NPHP1: variants seen among roughly 807,000 people sequenced by gnomAD.
NPHP1 encodes the protein nephrocystin 1.
A neutral mutation model predicts 90.4 loss-of-function variants in NPHP1; 70 were observed. That is an observed-to-expected ratio of 0.77 (90% CI 0.64 to 0.95). The LOEUF (loss-of-function observed/expected upper bound fraction) is 0.95, where lower values mean the gene tolerates loss of function less well. Ranked by LOEUF, NPHP1 falls within the 40% of genes least tolerant of loss-of-function variation. The probability of loss-of-function intolerance (pLI) is 0.00; values close to 1 mark genes in which losing one functional copy is unlikely to be tolerated. For synonymous variants in NPHP1, 256 were observed against 271.7 expected (o/e 0.94, Z 0.57); for missense variants, 764 against 795.9 (o/e 0.96, Z 0.48).
chr2:110,129,080 C>T (rs905941036), intron 18 of NPHP1, 106 bp downstream of exon 18: 11 of 760,938 alleles, frequency 1.4e-5, no homozygotes, highest in Admixed American at 4.1e-5. Flanking sequence ...GATTGGGAGA[C>T]ATCATCCTAG....
chr2:110,184,936 C>T lies in NPHP1; in HGVS notation c.144-5252G>A, dbSNP rs1239579584. The T allele has an allele frequency of 5.9e-6, 4 of 677,164 alleles. No homozygotes were observed. The African/African-American group carries it at 7.0e-5, about 12-fold the overall frequency. 41.9% of individuals were successfully genotyped at this position (677,164 alleles called of 1,614,324 possible). A position where few individuals can be genotyped will look rare whatever the true frequency, so the allele number is the denominator to read the frequency against. On this transcript the variant is annotated intron_variant, in intron 2 of 19. Coordinates refer to ENST00000445609, the MANE Select transcript of NPHP1 (RefSeq NM_001128178.3). ...TGGTGTTCGCCATCCAGAAGTCAGA[C>T]ATGGACCTGCAGTTCACACTTTTCT...
At chr2:110,146,878 G>T in intron 13 of NPHP1, 43 bp from the exon 14 acceptor site, 1 of 1,407,414 alleles carries the variant, frequency 7.1e-7, no homozygotes, top group Non-Finnish European at 1.0e-6. Flanking sequence ...GTCTGAACTA[G>T]TCAAATTTAT....
At position 110,144,484 on chromosome 2, in the gene NPHP1, G is replaced by A. The variant is rs1163657756; in HGVS notation, c.1429+9C>T. Reference sequence around the variant, plus strand: ...TTAAGGAAAGGAAGACAACACATGAGAGCCATACCTCTTCTGGATATTGAA... The same window carrying A: ...TTAAGGAAAGGAAGACAACACATGAAAGCCATACCTCTTCTGGATATTGAA... On this transcript the variant is annotated intron_variant, in intron 15 of 19. Transcript: ENST00000445609. 1.3e-6 allele frequency: 2 copies of A among 1,566,390 alleles called. No individual in the cohort carries two copies. The highest frequency in any genetic ancestry group is 1.7e-5 in the Admixed American group (1 of 59,940).
At chr2:110,182,494 C>G (rs1294975028) in intron 2 of NPHP1, among the ~76,000 whole-genome samples, 1 of 152,116 alleles carries the variant, frequency 6.6e-6, no homozygotes, top group Non-Finnish European at 1.5e-5. Context: ...ATTCATCATT[C>G]TTAAAGAAAA....
Position 110,160,131 on chromosome 2 carries a change from T to C in NPHP1, c.1079A>G (p.Asn360Ser). The change falls in exon 11 of 20, where the codon AAT becomes AGT. Residue 360 changes from asparagine (N) to serine (S), a missense_variant. Transcript: ENST00000445609. ...RHVRLCLFDG[N>S]KVLSNIHTVR... is the part of the protein sequence containing the mutation. ...TTTACTTCTCAGTAACCTTACCTTATTACCATCAAATAGACAGAGGCGTAC... is the reference window on the plus strand; with the variant it reads ...TTTACTTCTCAGTAACCTTACCTTACTACCATCAAATAGACAGAGGCGTAC... The C allele has an allele frequency of 6.2e-7, 1 of 1,613,034 alleles. No homozygotes were observed. Among genetic ancestry groups the C allele is most frequent in the Non-Finnish European group, 8.5e-7 (1 of 1,179,188 alleles).
chr2:110,148,017 T>G lies in NPHP1; in HGVS notation c.1168A>C (p.Ile390Leu). 3 of 1,592,546 alleles carry G rather than the reference T, an allele frequency of 1.9e-6. No individual in the cohort carries two copies. In the South Asian group the frequency reaches 3.3e-5, roughly 18 times the overall value. ...TWTFSPQVTR[I>L]LPCLLDGDCF... Reference sequence around the variant, plus strand: ...TCACCATCAAGCAAACATGGTAAGATGCGAGTAACCTGAAATGATAAAGAA... The same window carrying G: ...TCACCATCAAGCAAACATGGTAAGAGGCGAGTAACCTGAAATGATAAAGAA... Residue 390 changes from isoleucine (I) to leucine (L), a missense_variant, in exon 13 of 20, where the codon ATC becomes CTC. Physicochemically the swap from Ile to Leu is conservative, Grantham distance 5. Coordinates refer to ENST00000445609, the MANE Select transcript of NPHP1 (RefSeq NM_001128178.3).
chr2:110,157,773 T>C (rs565920465), intron 11 of NPHP1, among the ~76,000 whole-genome samples: 2 of 152,266 alleles, frequency 1.3e-5, no homozygotes, highest in South Asian at 4.1e-4. Context: ...CAGACACTCT[T>C]TGAAAGAACT....
intron 3 of NPHP1, 35 bp from the exon 4 acceptor site, chr2:110,178,582 T>A: frequency 1.9e-6 from 3 of 1,576,388 alleles, no homozygotes; most frequent in Non-Finnish European, 2.6e-6. Flanking sequence ...CACTAAAAAA[T>A]TAATTTCAGT....
chr2:110,156,629 G>A (rs1490928750), intron 11 of NPHP1, among the ~76,000 whole-genome samples: 1 of 152,104 alleles, frequency 6.6e-6, no homozygotes, highest in Non-Finnish European at 1.5e-5. Context: ...TCAGGTAGTT[G>A]CTTTTTACTT....
rs772635725 is a variant in NPHP1 at position 110,146,847 on chromosome 2, G to C, written c.1270-12C>G. The C allele has an allele frequency of 6.2e-6, 10 of 1,600,942 alleles. No homozygotes were observed. Among genetic ancestry groups the C allele is most frequent in the Non-Finnish European group, 8.6e-6 (10 of 1,168,066 alleles). On this transcript the variant is annotated splice_polypyrimidine_tract_variant and intron_variant, in intron 13 of 19. Coordinates refer to ENST00000445609, the MANE Select transcript of NPHP1 (RefSeq NM_001128178.3). ...CTTTCACCAGTTGACTAGGAAATAA[G>C]ACAAGTATATGAAACTTAAGGTCTG... is the stretch of plus-strand genomic sequence containing the variant.
chr2:110,154,941 C>A (rs1296695182), intron 11 of NPHP1, among the ~76,000 whole-genome samples: 1 of 152,120 alleles, frequency 6.6e-6, no homozygotes, highest in African/African-American at 2.4e-5. Flanking sequence ...ATGTTACTCC[C>A]CAAGACAATG....
intron 2 of NPHP1, among the ~76,000 whole-genome samples, chr2:110,181,372 A>G (rs144471565): frequency 0.016 from 2,481 of 152,198 alleles, 39 homozygotes; most frequent in South Asian, 0.056. Context: ...GCCACCTCCT[A>G]CAAAGTGCGT....
chr2:110,157,763 C>T (rs1198739529), intron 11 of NPHP1, among the ~76,000 whole-genome samples: 1 of 152,138 alleles, frequency 6.6e-6, no homozygotes, highest in Non-Finnish European at 1.5e-5. Context: ...ACCTCTCATC[C>T]AGACACTCTT....
chr2:110,171,155 T>C (rs1160361751), intron 4 of NPHP1, among the ~76,000 whole-genome samples: 1 of 151,734 alleles, frequency 6.6e-6, no homozygotes, highest in Non-Finnish European at 1.5e-5. Context: ...AGGAGGTGAA[T>C]CTGAGGGTGA....
At chr2:110,185,023 T>C in intron 2 of NPHP1, 2 of 607,464 alleles carry the variant, frequency 3.3e-6, no homozygotes, top group Non-Finnish European at 6.4e-6. Flanking sequence ...GGCTACTGAG[T>C]GAAGTGAAGA....
rs757905613 is a variant in NPHP1, at chr2:110,204,974, T to G, written c.-6A>C. On this transcript the variant is annotated 5_prime_UTR_variant, in exon 1 of 20. Coordinates refer to ENST00000445609, the MANE Select transcript of NPHP1 (RefSeq NM_001128178.3). Reference sequence around the variant, plus strand: ...CGCTGTCGTCTCGCCAGCATCTCCCTGGCTGCGGTGCTCTGATTGCTCCAG... The same window carrying G: ...CGCTGTCGTCTCGCCAGCATCTCCCGGGCTGCGGTGCTCTGATTGCTCCAG... The G allele has an allele frequency of 5.6e-6, 9 of 1,613,738 alleles. No individual in the cohort carries two copies. Among genetic ancestry groups the G allele is most frequent in the Non-Finnish European group, 7.6e-6 (9 of 1,179,876 alleles).
chr2:110,144,078 T>G (rs1174696608), intron 15 of NPHP1: 2 of 311,508 alleles, frequency 6.4e-6, no homozygotes, highest in Non-Finnish European at 1.2e-5. Flanking sequence ...TGTCTTGCTC[T>G]TCATTCTCCC....
At chr2:110,204,204 G>C (rs1255754962) in intron 1 of NPHP1, among the ~76,000 whole-genome samples, 1 of 152,130 alleles carries the variant, frequency 6.6e-6, no homozygotes, top group African/African-American at 2.4e-5. Context: ...TGCTGTACAA[G>C]CACCTTATAC....
At chr2:110,165,315 C>A (rs1682654806) in intron 6 of NPHP1, among the ~76,000 whole-genome samples, 160 bp from the exon 7 acceptor site, 1 of 151,948 alleles carries the variant, frequency 6.6e-6, no homozygotes, top group South Asian at 2.1e-4. Context: ...AAATCTTGAG[C>A]ATAGATGGGA....
Sources: allele counts gnomAD v4.1 joint callset (sites outside exome capture counted in the v4.1 genomes callset), GRCh38; gene constraint gnomAD v4.1.1; transcripts MANE v1.5; gene names NCBI Gene and HGNC (gene_info 2026-07-23, HGNC 2026-07-21).